The following TUBA1B variants were observed in gnomAD, a reference collection of about 807,000 sequenced individuals.
TUBA1B encodes tubulin alpha 1b, also known as tubulin alpha-1B chain.
Under a neutral mutation model 34.4 loss-of-function variants are expected in TUBA1B, and 1 was observed. The ratio of observed to expected loss-of-function variants is 0.03; its 90% CI spans 0.01 to 0.14. The LOEUF is 0.14. Ranked by LOEUF, TUBA1B falls within the 10% of genes least tolerant of loss-of-function variation. The pLI, the probability that TUBA1B is intolerant of heterozygous loss-of-function variation, is 1.00. For synonymous variants in TUBA1B, 197 were observed against 212.5 expected, an observed-to-expected ratio of 0.93 and a Z score of 0.64; for missense variants, 54 against 583.6, an observed-to-expected ratio of 0.09 and a Z score of 9.35.
chr12:49,129,861 C>A, intron 1 of TUBA1B, 139 bp from the exon 2 acceptor site: 1 of 1,388,852 alleles, frequency 7.2e-7, no homozygotes, highest in Non-Finnish European at 9.7e-7. Context: ...GCCATCTAGG[C>A]TCACTGCAGC....
At position 49,128,642 on chromosome 12, in the gene TUBA1B, G is replaced by A. The variant is rs1304657842; in HGVS notation, c.672C>T (p.Tyr224=). The change falls in exon 4 of 4, where the codon TAC becomes TAT. Residue 224 remains tyrosine, a synonymous_variant. Coordinates refer to ENST00000336023, the MANE Select transcript of TUBA1B (RefSeq NM_006082.3). This position sits in a 1 kb window ranked among gnomAD's most constrained non-coding sequence, Gnocchi z 8.1. ...GGCTAATAAGGCGGTTAAGGTTAGT[G>A]TAGGTTGGGCGCTCGATATCGAGGT... ...RRNLDIERPT[Y]TNLNRLISQI... The A allele has an allele frequency of 3.7e-6, 6 of 1,610,218 alleles. No individual in the cohort carries two copies. In the East Asian group the frequency reaches 8.9e-5, roughly 24 times the overall value.
intron 1 of TUBA1B, 140 bp downstream of exon 1, chr12:49,131,158 G>C (rs1227252435): frequency 1.7e-5 from 18 of 1,079,608 alleles, no homozygotes; most frequent in Non-Finnish European, 2.4e-5. Context: ...TCCCGCCCTG[G>C]CCTCTCGCCT....
chr12:49,131,235 G>A, intron 1 of TUBA1B, 63 bp downstream of exon 1: 1 of 1,568,514 alleles, frequency 6.4e-7, no homozygotes, highest in East Asian at 2.3e-5. Context: ...GGGCCCCAGC[G>A]CCCCGCCGGC....
intron 3 of TUBA1B, 123 bp from the exon 4 acceptor site, chr12:49,129,061 A>G (rs1941772590): frequency 6.6e-7 from 1 of 1,515,540 alleles, no homozygotes; most frequent in South Asian, 1.3e-5. Flanking sequence ...TTGGCAAAAC[A>G]GACATATCCA....
At chr12:49,130,981 G>C in intron 1 of TUBA1B, 1 of 315,528 alleles carries the variant, frequency 3.2e-6, no homozygotes, top group Non-Finnish European at 6.2e-6. Context: ...AAGGACTGCG[G>C]GGACTCGAGG....
In TUBA1B at chr12:49,128,522, G is replaced by A. The variant is rs376928587; in HGVS notation, c.792C>T (p.Arg264=). 25 of 1,613,804 alleles carry A rather than the reference G, an allele frequency of 1.5e-5. No homozygotes were observed. Among genetic ancestry groups the A allele is most frequent in the Admixed American group, 5.0e-5 (3 of 59,960 alleles). Reference sequence around the variant, plus strand: ...CATATGTGGCCAGAGGGAAGTGGATGCGGGGGTAGGGCACCAGGTTGGTCT... The same window carrying A: ...CATATGTGGCCAGAGGGAAGTGGATACGGGGGTAGGGCACCAGGTTGGTCT... ...EFQTNLVPYP[R]IHFPLATYAP... The change falls in exon 4 of 4, where the codon CGC becomes CGT. Residue 264 remains arginine (R), a synonymous_variant. Coordinates refer to ENST00000336023, the MANE Select transcript of TUBA1B (RefSeq NM_006082.3). This position sits in a 1 kb window ranked among gnomAD's most constrained non-coding sequence, Gnocchi z 8.1.
Position 49,131,318 on chromosome 12 carries a change from A to C in TUBA1B, c.-18T>G. On this transcript the variant is annotated 5_prime_UTR_variant, in exon 1 of 4. Coordinates refer to ENST00000336023, the MANE Select transcript of TUBA1B (RefSeq NM_006082.3). ...CTCACCATAGTGGCTAGGGATTAGG[A>C]GGCGAAGGCGACAGGAGCAGACACC... 6.2e-7 allele frequency: 1 copy of C among 1,610,656 alleles called. No homozygotes were observed.
At position 49,129,329 on chromosome 12, in the gene TUBA1B, C is replaced by T. The variant is rs762881397; in HGVS notation, c.288G>A (p.Lys96=). The T allele has an allele frequency of 1.2e-6, 2 of 1,614,212 alleles. No homozygotes were observed. Among genetic ancestry groups the T allele is most frequent in the Admixed American group, 1.7e-5 (1 of 60,024 alleles). ...GGGCATAGTTATTGGCAGCATCTTC[C>T]TTGCCTGTGATGAGCTGCTCAGGGT... ...LFHPEQLITG[K]EDAANNYARG... is the part of the protein sequence containing the mutation. Residue 96 remains lysine (K), a synonymous_variant, in exon 3 of 4, where the codon AAG becomes AAA. Transcript: ENST00000336023.
At chr12:49,129,836 CT>C in intron 1 of TUBA1B, 114 bp from the exon 2 acceptor site, 1 of 1,502,944 alleles carries the variant, frequency 6.7e-7, no homozygotes, top group Non-Finnish European at 8.9e-7. Context: ...GTCGCCCAGG[CT>C]TGAGTGCAGT....
chr12:49,131,303 T>C lies in TUBA1B; in HGVS notation c.-3A>G, dbSNP rs991063224. The C allele has an allele frequency of 2.5e-6, 4 of 1,610,832 alleles. No homozygotes were observed. The African/African-American group carries it at 5.3e-5, about 22-fold the overall frequency. On this transcript the variant is annotated 5_prime_UTR_variant, in exon 1 of 4. Coordinates refer to ENST00000336023, the MANE Select transcript of TUBA1B (RefSeq NM_006082.3). ...GAGCCGCACGGCTTACTCACCATAGTGGCTAGGGATTAGGAGGCGAAGGCG... is the reference window on the plus strand; with the variant it reads ...GAGCCGCACGGCTTACTCACCATAGCGGCTAGGGATTAGGAGGCGAAGGCG...
Position 49,127,976 on chromosome 12 carries a change from T to C in TUBA1B, c.1338A>G (p.Glu446=), listed in dbSNP as rs1250768703. 1.2e-6 allele frequency: 2 copies of C among 1,614,138 alleles called. No individual in the cohort carries two copies. Among genetic ancestry groups the C allele is most frequent in the Admixed American group, 3.3e-5 (2 of 60,012 alleles). The change falls in exon 4 of 4, where the codon GAA becomes GAG. Residue 446 remains glutamate (E), a synonymous_variant. Transcript: ENST00000336023. The stretch of plus-strand genomic sequence containing the variant: ...TGGATAATTAGTATTCCTCTCCTTC[T>C]TCCTCACCCTCTCCTTCAACAGAAT... ...GVDSVEGEGE[E]EGEEY is the part of the protein sequence containing the mutation.
intron 1 of TUBA1B, chr12:49,130,301 C>T (rs1049398490): frequency 7.8e-7 from 1 of 1,289,210 alleles, no homozygotes. Flanking sequence ...GTGGCCAGAC[C>T]AGCGCAGAAG....
rs1159843784 is a variant in TUBA1B at position 49,129,426 on chromosome 12, A to C, written c.227-36T>G. 4.3e-6 allele frequency: 7 copies of C among 1,613,860 alleles called. No homozygotes were observed. In the Admixed American group the frequency reaches 1.2e-4, roughly 27 times the overall value. On this transcript the variant is annotated intron_variant, in intron 2 of 3. Coordinates refer to ENST00000336023, the MANE Select transcript of TUBA1B (RefSeq NM_006082.3). The stretch of plus-strand genomic sequence containing the variant: ...GAGAGAAGGACGGAGGGAGTGAGTG[A>C]GTGACAAGAGAAGCCCCTGGACAGA...
In TUBA1B at chr12:49,128,958, T is replaced by TG. The variant is rs760135806; in HGVS notation, c.376-21dup. 12 of 1,573,254 alleles carry TG rather than the reference T, an allele frequency of 7.6e-6. No individual in the cohort carries two copies. The East Asian group carries it at 2.7e-4, about 35-fold the overall frequency. On this transcript the variant is annotated intron_variant, in intron 3 of 3. Transcript: ENST00000336023. The surrounding 1 kb of genome is among the most constrained non-coding windows in gnomAD (Gnocchi z 8.1). ...GTCAGCCTGTAGGGGAATAAAAAAA[T>TG]GTAATATTTTAATGCCAGGACACAT...
intron 1 of TUBA1B, chr12:49,129,929 GA>G (rs1941782346): frequency 1.8e-6 from 2 of 1,084,890 alleles, no homozygotes; most frequent in East Asian, 5.2e-5. Flanking sequence ...CACAGGCACA[GA>G]CCACCAAGCT....
chr12:49,131,143 A>C, intron 1 of TUBA1B, 155 bp downstream of exon 1: 1 of 904,762 alleles, frequency 1.1e-6, no homozygotes. Flanking sequence ...CCGAGGTCTC[A>C]CCACTCCCGC....
At chr12:49,129,873 T>G in intron 1 of TUBA1B, 151 bp from the exon 2 acceptor site, 1 of 1,326,340 alleles carries the variant, frequency 7.5e-7, no homozygotes, top group Middle Eastern at 2.4e-4. Context: ...CACTGCAGCC[T>G]AGGCTCCAGT....
In TUBA1B at chr12:49,128,774, A is replaced by G. The variant is rs1276855384; in HGVS notation, c.540T>C (p.Ala180=). Reference sequence around the variant, plus strand: ...GGATGGAGTTGTAGGGCTCAACTACAGCTGTGGAAACCTGGGGTGCTGGGT... The same window carrying G: ...GGATGGAGTTGTAGGGCTCAACTACGGCTGTGGAAACCTGGGGTGCTGGGT... The part of the protein sequence containing the change: ...SIYPAPQVST[A]VVEPYNSILT... Residue 180 remains alanine (A), a synonymous_variant, in exon 4 of 4, where the codon GCT becomes GCC. Coordinates refer to ENST00000336023, the MANE Select transcript of TUBA1B (RefSeq NM_006082.3). The surrounding 1 kb of genome is among the most constrained non-coding windows in gnomAD (Gnocchi z 8.1). The G allele has an allele frequency of 6.2e-7, 1 of 1,613,330 alleles. No individual in the cohort carries two copies. Among genetic ancestry groups the G allele is most frequent in the East Asian group, 2.2e-5 (1 of 44,872 alleles).
rs150485606 is a variant in TUBA1B, at chr12:49,130,079, C to T, written c.4-357G>A. On this transcript the variant is annotated intron_variant, in intron 1 of 3. Coordinates refer to ENST00000336023, the MANE Select transcript of TUBA1B (RefSeq NM_006082.3). ...TTCTAAGATGTACTACTTTTGAGAACAGCTACACTATAGTCTACGTTGCTT... is the reference window on the plus strand; with the variant it reads ...TTCTAAGATGTACTACTTTTGAGAATAGCTACACTATAGTCTACGTTGCTT... The T allele has an allele frequency of 2.1e-3, 2,504 of 1,198,294 alleles. 4 individuals are homozygous for T. The highest frequency in any genetic ancestry group is 2.6e-3 in the Admixed American group (74 of 28,412). 74.2% of individuals were successfully genotyped at this position (1,198,294 alleles called of 1,614,324 possible).
Sources: allele counts gnomAD v4.1 joint callset, GRCh38; gene constraint gnomAD v4.1.1; non-coding constraint Gnocchi (gnomAD v3.1); transcripts MANE v1.5; gene names NCBI Gene and HGNC (gene_info 2026-07-23, HGNC 2026-07-21).